SMCO2: variants seen among roughly 807,000 people sequenced by gnomAD.
SMCO2 encodes the protein single-pass membrane and coiled-coil domain-containing protein 2.
In SMCO2, 25 loss-of-function variants were observed where a neutral mutation model predicts 29.5. The ratio of observed to expected loss-of-function variants is 0.85; its 90% CI spans 0.62 to 1.18. The LOEUF is 1.18. Ranked by LOEUF, SMCO2 falls within the 50% of genes most tolerant of loss-of-function variation. The pLI is 0.00. For missense variants in SMCO2, 348 were observed against 344.5 expected (o/e 1.01, Z -0.08); for synonymous variants, 117 against 123.3 (o/e 0.95, Z 0.34).
chr12:27,464,022 A>G (rs1949478179), upstream of SMCO2, among the ~76,000 whole-genome samples: 1 of 152,228 alleles, frequency 6.6e-6, no homozygotes, highest in Non-Finnish European at 1.5e-5. Context: ...GGGAGCTCCC[A>G]GTGGAATCCC....
At chr12:27,474,678 G>A in intron 3 of SMCO2, 108 bp from the exon 4 acceptor site, 1 of 1,272,818 alleles carries the variant, frequency 7.9e-7, no homozygotes, top group Non-Finnish European at 1.1e-6. Context: ...GTCTCAGAGA[G>A]GACTATGTGC....
chr12:27,486,277 A>G (rs970299414), intron 4 of SMCO2, among the ~76,000 whole-genome samples: 1 of 152,114 alleles, frequency 6.6e-6, no homozygotes, highest in Non-Finnish European at 1.5e-5. Flanking sequence ...TGCTGGGCAA[A>G]TCTACTCCAT....
intron 7 of SMCO2, among the ~76,000 whole-genome samples, chr12:27,501,456 C>T (rs917106426): frequency 7.7e-6 from 1 of 129,630 alleles, no homozygotes; most frequent in Non-Finnish European, 1.7e-5. Flanking sequence ...CAAAACAAAA[C>T]AAAAAAAGCT....
intron 7 of SMCO2, chr12:27,497,962 C>T: frequency 3.1e-6 from 1 of 320,986 alleles, no homozygotes; most frequent in South Asian, 3.9e-5. Context: ...TAGGGGAAGA[C>T]AAGAAGTTTA....
chr12:27,499,044 G>T (rs546432038), intron 7 of SMCO2, among the ~76,000 whole-genome samples: 5 of 150,710 alleles, frequency 3.3e-5, no homozygotes, highest in Admixed American at 3.3e-4. Context: ...TTTCTAAAAC[G>T]GTTAAATATA....
At chr12:27,425,835 C>T in the SMCO2 span, among the ~76,000 whole-genome samples, 1,127 of 152,334 alleles carry the variant, frequency 7.4e-3, 15 homozygotes, top group African/African-American at 0.025. Flanking sequence ...GTCCCTTCTG[C>T]AGATAACCCT....
the SMCO2 span, among the ~76,000 whole-genome samples, chr12:27,458,303 A>G: frequency 1.3e-5 from 2 of 152,194 alleles, no homozygotes; most frequent in Non-Finnish European, 2.9e-5. Context: ...CCAACTAGTT[A>G]ATTAAACTTC....
chr12:27,480,388 GGTGCC>G (rs1949632050), intron 4 of SMCO2, among the ~76,000 whole-genome samples: 1 of 152,172 alleles, frequency 6.6e-6, no homozygotes, highest in South Asian at 2.1e-4. Flanking sequence ...GGCATGCACA[GGTGCC>G]AGTAGTGGCT....
chr12:27,445,411 T>C, the SMCO2 span, among the ~76,000 whole-genome samples: 1 of 152,230 alleles, frequency 6.6e-6, no homozygotes, highest in South Asian at 2.1e-4. Context: ...ATATTAAACA[T>C]GTTTTTACTG....
At chr12:27,440,670 CTTTG>C in the SMCO2 span, among the ~76,000 whole-genome samples, 4 of 82,262 alleles carry the variant, frequency 4.9e-5, no homozygotes, top group Admixed American at 4.4e-4. Flanking sequence ...TTTTTTTGGC[CTTTG>C]TTTCTAGTCT....
intron 4 of SMCO2, among the ~76,000 whole-genome samples, chr12:27,481,231 T>G (rs186058543): frequency 1.8e-4 from 28 of 152,344 alleles, no homozygotes; most frequent in African/African-American, 6.3e-4. Context: ...TTGGTCTCAG[T>G]GGGTGTGTAA....
At chr12:27,429,726 C>T in the SMCO2 span, among the ~76,000 whole-genome samples, 1 of 152,094 alleles carries the variant, frequency 6.6e-6, no homozygotes, top group Non-Finnish European at 1.5e-5. Flanking sequence ...GCTAACATCC[C>T]TTCTAGACAC....
rs202054477 is a variant in SMCO2, at chr12:27,470,758, A to G, written c.127A>G (p.Met43Val). 6.4e-5 allele frequency: 99 copies of G among 1,550,586 alleles called. No homozygotes were observed. Among genetic ancestry groups the G allele is most frequent in the Non-Finnish European group, 2.7e-5 (31 of 1,146,534 alleles). ...AAAGCTCAATGTGACTGAAGGTGCA[A>G]TGCAGGAGTAAGTCAGAACTGAGCT... is the stretch of plus-strand genomic sequence containing the variant. Residue 43 changes from methionine (M) to valine (V), a missense_variant, in exon 2 of 8, where the codon ATG (methionine) becomes GTG (valine). Physicochemically the swap from Met to Val is conservative, Grantham distance 21. Coordinates refer to ENST00000298876, the Ensembl canonical transcript of SMCO2.
At chr12:27,478,540 G>A (rs1251821049) in intron 4 of SMCO2, among the ~76,000 whole-genome samples, 1 of 152,236 alleles carries the variant, frequency 6.6e-6, no homozygotes, top group Non-Finnish European at 1.5e-5. Context: ...CACATTGCCA[G>A]CAGTGATGGC....
intron 4 of SMCO2, among the ~76,000 whole-genome samples, chr12:27,477,207 CA>C (rs1434783580): frequency 3.3e-5 from 4 of 122,736 alleles, no homozygotes; most frequent in African/African-American, 1.4e-4. Flanking sequence ...TCTTGGCTGT[CA>C]GGTTTTTTTT....
chr12:27,458,534 TG>T, the SMCO2 span, among the ~76,000 whole-genome samples: 1 of 152,192 alleles, frequency 6.6e-6, no homozygotes, highest in East Asian at 1.9e-4. Context: ...ACTAAATTTT[TG>T]TGAGTGATAG....
chr12:27,491,353 ATAG>A (rs149232643), intron 5 of SMCO2, among the ~76,000 whole-genome samples: 18,605 of 152,142 alleles, frequency 0.12, 2,174 homozygotes, highest in African/African-American at 0.29. Flanking sequence ...ACACTTTCTA[ATAG>A]AATTTCCATG....
At chr12:27,463,735 C>T (rs1470119575), upstream of SMCO2, among the ~76,000 whole-genome samples, 2 of 152,100 alleles carry the variant, frequency 1.3e-5, no homozygotes, top group African/African-American at 4.8e-5. Flanking sequence ...AATAAGCAAA[C>T]AAACAAACCA....
At chr12:27,447,825 A>C in the SMCO2 span, among the ~76,000 whole-genome samples, 2 of 151,860 alleles carry the variant, frequency 1.3e-5, no homozygotes, top group African/African-American at 4.8e-5. Flanking sequence ...TCACATTTAC[A>C]GTAAAATTTG....
Sources: allele counts gnomAD v4.1 joint callset (sites outside exome capture counted in the v4.1 genomes callset), GRCh38; gene constraint gnomAD v4.1.1; transcripts MANE v1.5; gene names NCBI Gene and HGNC (gene_info 2026-07-23, HGNC 2026-07-21).